DACH1: variants seen among roughly 807,000 people sequenced by gnomAD.
The protein encoded by DACH1 is dachshund homolog 1.
Under a neutral mutation model 54.2 loss-of-function variants are expected in DACH1, and 12 were observed. That is an observed-to-expected ratio of 0.22 (90% CI 0.14 to 0.36). The LOEUF is 0.36. DACH1 is among the 10% of genes least tolerant of loss of function. The pLI is 1.00. For missense variants in DACH1, 805 were observed against 929.8 expected (o/e 0.87, Z 1.75); for synonymous variants, 386 against 366.2 (o/e 1.05, Z -0.62).
intron 2 of DACH1, among the ~76,000 whole-genome samples, chr13:71,654,453 A>ATAAAGTAAAG (rs1566409099): frequency 1.8e-4 from 14 of 78,734 alleles, no homozygotes; most frequent in African/African-American, 2.9e-4. Flanking sequence ...ATAAAATAAA[A>ATAAAGTAAAG]TAAAGTAAAA....
intron 6 of DACH1, among the ~76,000 whole-genome samples, chr13:71,529,183 G>GTTTTTTTTTTTTTTTTTTTTTTTTTT (rs10707603): frequency 7.4e-5 from 6 of 80,978 alleles, no homozygotes; most frequent in African/African-American, 2.6e-4. Context: ...TGTGATTTGG[G>GTTTTTTTTTTTTTTTTTTTTTTTTTT]TTTTTTTTTT....
intron 2 of DACH1, among the ~76,000 whole-genome samples, chr13:71,676,158 T>C (rs192519567): frequency 1.6e-3 from 235 of 151,556 alleles, no homozygotes; most frequent in African/African-American, 5.5e-3. Flanking sequence ...TTCTCCTTAC[T>C]TGTGAGTATC....
chr13:71,500,736 A>G (rs936686404), intron 6 of DACH1, among the ~76,000 whole-genome samples: 6 of 152,166 alleles, frequency 3.9e-5, no homozygotes, highest in Non-Finnish European at 7.3e-5. Flanking sequence ...GAATGATTCC[A>G]TGAATATGGC....
At chr13:71,471,103 T>C (rs1877028366) in intron 10 of DACH1, among the ~76,000 whole-genome samples, 1 of 151,324 alleles carries the variant, frequency 6.6e-6, no homozygotes, top group Admixed American at 6.6e-5. Context: ...CTCCAATAGG[T>C]GGGGAAAGAA....
intron 3 of DACH1, among the ~76,000 whole-genome samples, chr13:71,607,420 T>G (rs1874955361): frequency 6.6e-6 from 1 of 152,022 alleles, no homozygotes; most frequent in Admixed American, 6.6e-5. Flanking sequence ...TCTAAAATTT[T>G]TTTTCAAAGT....
Position 71,681,787 on chromosome 13 carries a change from A to C in DACH1, c.964+8T>G, listed in dbSNP as rs1880911012. ...ATATTTTTTGGCATAAGTGAGTAGC[A>C]GTCTTACCTGTTGGTGGAATTATCC... is the stretch of plus-strand genomic sequence containing the variant. On this transcript the variant is annotated splice_region_variant and intron_variant, in intron 2 of 10. Coordinates refer to ENST00000613252, the MANE Select transcript of DACH1 (RefSeq NM_080759.6). 1 of 1,605,004 alleles carries C rather than the reference A, an allele frequency of 6.2e-7. No individual in the cohort carries two copies. The highest frequency in any genetic ancestry group is 1.3e-5 in the African/African-American group (1 of 74,632).
chr13:71,720,587 T>C (rs1266536447), intron 1 of DACH1, among the ~76,000 whole-genome samples: 1 of 152,154 alleles, frequency 6.6e-6, no homozygotes, highest in Non-Finnish European at 1.5e-5. Flanking sequence ...AATTTTCAGA[T>C]TCTATAAAGA....
chr13:71,476,359 T>C (rs1193207077), intron 8 of DACH1, among the ~76,000 whole-genome samples: 2 of 152,164 alleles, frequency 1.3e-5, no homozygotes, highest in Admixed American at 1.3e-4. Context: ...ATAATTTCTT[T>C]CTTAAAATTT....
chr13:71,586,854 C>T (rs1270999733), intron 3 of DACH1, among the ~76,000 whole-genome samples: 1 of 151,960 alleles, frequency 6.6e-6, no homozygotes, highest in Non-Finnish European at 1.5e-5. Context: ...AAATAATACC[C>T]AATGTGATTA....
chr13:71,760,026 A>G (rs921797059), intron 1 of DACH1, among the ~76,000 whole-genome samples: 1 of 152,198 alleles, frequency 6.6e-6, no homozygotes, highest in African/African-American at 2.4e-5. Context: ...ACTCATTTGC[A>G]TTAATTTCTC....
At chr13:71,594,100 CAT>C (rs1433517591) in intron 3 of DACH1, among the ~76,000 whole-genome samples, 1 of 151,108 alleles carries the variant, frequency 6.6e-6, no homozygotes, top group Non-Finnish European at 1.5e-5. Flanking sequence ...TTAGTAAAGA[CAT>C]AAACATTGAA....
intron 10 of DACH1, among the ~76,000 whole-genome samples, chr13:71,453,994 TA>T (rs1476063127): frequency 2.6e-5 from 4 of 152,076 alleles, no homozygotes; most frequent in Non-Finnish European, 5.9e-5. Context: ...CTCTGTGCAC[TA>T]AAAACACAGA....
chr13:71,509,162 C>T (rs1880566186), intron 6 of DACH1, among the ~76,000 whole-genome samples: 1 of 152,076 alleles, frequency 6.6e-6, no homozygotes, highest in Non-Finnish European at 1.5e-5. Flanking sequence ...GATTTAATTG[C>T]CTGCTCTCTA....
At chr13:71,543,885 G>A (rs1883299268) in intron 6 of DACH1, among the ~76,000 whole-genome samples, 1 of 152,108 alleles carries the variant, frequency 6.6e-6, no homozygotes, top group African/African-American at 2.4e-5. Flanking sequence ...TCCCCAAGAA[G>A]AACCACACCT....
chr13:71,793,629 C>T (rs916169751), intron 1 of DACH1, among the ~76,000 whole-genome samples: 1 of 152,108 alleles, frequency 6.6e-6, no homozygotes, highest in Non-Finnish European at 1.5e-5. Context: ...TTCCTGGCTG[C>T]AAGCAATCCT....
At chr13:71,509,874 A>AGAAACT (rs1880630257) in intron 6 of DACH1, among the ~76,000 whole-genome samples, 1 of 152,250 alleles carries the variant, frequency 6.6e-6, no homozygotes, top group African/African-American at 2.4e-5. Flanking sequence ...TTCTTTTTCA[A>AGAAACT]GAGTTAACTA....
intron 4 of DACH1, among the ~76,000 whole-genome samples, chr13:71,568,828 C>T (rs1227288464): frequency 1.3e-5 from 2 of 151,972 alleles, no homozygotes; most frequent in Non-Finnish European, 2.9e-5. Context: ...ATCATTGACA[C>T]ATAAGAAATT....
Position 71,679,941 on chromosome 13 carries a change from C to CAA in DACH1, c.964+1852_964+1853dup, listed in dbSNP as rs71123298. Among the ~76,000 whole-genome samples the CAA allele has an allele frequency of 4.9e-3, 341 of 69,872 alleles. 5 individuals are homozygous for CAA. Among genetic ancestry groups the CAA allele is most frequent in the Admixed American group, 4.4e-3 (30 of 6,824 alleles). The allele number at this position is 69,872 out of a possible 152,430, so 45.8% of individuals were successfully genotyped here. A position where few individuals can be genotyped will look rare whatever the true frequency, so the allele number is the denominator to read the frequency against. On this transcript the variant is annotated intron_variant, in intron 2 of 10. Transcript: ENST00000613252. ...CTGGTGACAGAGCGAGACTCCGTCT[C>CAA]AAAAAAAAAAAAAAAAAAACGGAAA...
At position 71,866,619 on chromosome 13, in the gene DACH1, C is replaced by A. The variant is rs762400069; in HGVS notation, c.151G>T (p.Gly51Trp). The part of the protein sequence containing the change: ...APSIGPPASS[G>W]PTLFRPEPIA... ...GGCTCCGGGCGGAACAGAGTTGGCC[C>A]AGAGGACGCCGGGGGTCCGATGGAA... Residue 51 changes from glycine (G) to tryptophan (W), a missense_variant, in exon 1 of 11, where the codon GGG becomes TGG. Transcript: ENST00000613252. The A allele has an allele frequency of 1.2e-5, 17 of 1,381,450 alleles. No homozygotes were observed. The highest frequency in any genetic ancestry group is 1.6e-5 in the Non-Finnish European group (17 of 1,061,370). 85.6% of individuals were successfully genotyped at this position (1,381,450 alleles called of 1,614,324 possible). A position where few individuals can be genotyped will look rare whatever the true frequency, so the allele number is the denominator to read the frequency against.
Sources: gnomAD v4.1 joint callset for allele counts (sites outside exome capture counted in the v4.1 genomes callset) on GRCh38, gnomAD v4.1.1 for gene constraint, MANE v1.5 for transcripts, NCBI Gene and HGNC (gene_info 2026-07-23, HGNC 2026-07-21) for gene names.